MAN2C1: variants seen among roughly 807,000 people sequenced by gnomAD.
The protein encoded by MAN2C1 is mannosidase alpha class 2C member 1, also known as alpha-mannosidase 2C1.
In MAN2C1, 111 loss-of-function variants were observed where a neutral mutation model predicts 126.9. The observed-to-expected ratio is 0.87, with a 90% confidence interval of 0.75 to 1.02. The LOEUF (loss-of-function observed/expected upper bound fraction) is 1.02, where lower values mean the gene tolerates loss of function less well. MAN2C1 is among the 50% of genes least tolerant of loss of function. The probability of loss-of-function intolerance (pLI) is 0.00; values close to 1 mark genes in which losing one functional copy is unlikely to be tolerated. For missense variants in MAN2C1, 1,363 were observed against 1,364.4 expected (o/e 1.00, Z 0.02); for synonymous variants, 567 against 561.5 (o/e 1.01, Z -0.14).
In MAN2C1 at chr15:75,358,454, C is replaced by G; in HGVS notation, c.2403+8G>C. 1.2e-6 allele frequency: 2 copies of G among 1,613,408 alleles called. No homozygotes were observed. The highest frequency in any genetic ancestry group is 1.7e-6 in the Non-Finnish European group (2 of 1,179,846). On this transcript the variant is annotated splice_region_variant and intron_variant, in intron 20 of 25. Coordinates refer to ENST00000267978, the MANE Select transcript of MAN2C1 (RefSeq NM_006715.4). ...GGGGAAAACAGCCACCCCCTACCCC[C>G]CGACTACCTCGGTGTGGAAGCGGAC...
rs2072410601 is a variant in MAN2C1, at chr15:75,359,129, T to C, written c.2071A>G (p.Asn691Asp). The C allele has an allele frequency of 3.1e-6, 5 of 1,613,892 alleles. No individual in the cohort carries two copies. Among genetic ancestry groups the C allele is most frequent in the Non-Finnish European group, 4.2e-6 (5 of 1,180,032 alleles). ...TCCAGCTTCACTCGGATGATGCCAT[T>C]GTCCAGAGTCACGGAGCCATCAGTC... ...QETDGSVTLD[N>D]GIIRVKLDPT... is the part of the protein sequence containing the mutation. The change falls in exon 18 of 26, where the codon AAT becomes GAT. Residue 691 changes from asparagine to aspartate, a missense_variant. This residue lies in a region of MAN2C1 where 668 missense variants were observed against 650.1 expected (regional missense o/e 1.03). Transcript: ENST00000267978.
intron 12 of MAN2C1, 89 bp downstream of exon 12, chr15:75,360,957 G>A (rs1595876829): frequency 6.8e-7 from 1 of 1,476,872 alleles, no homozygotes. Flanking sequence ...AAGGTCCAGA[G>A]GAGGGGTTGG....
At position 75,357,542 on chromosome 15, in the gene MAN2C1, C is replaced by T. The variant is rs554134045; in HGVS notation, c.2548-640G>A. The stretch of plus-strand genomic sequence containing the variant: ...TATGATGGTCTCGATCTCTTGACCT[C>T]GTGATCCGCCCACCTCGGCCTTCCA... On this transcript the variant is annotated intron_variant, in intron 21 of 25. Coordinates refer to ENST00000267978, the MANE Select transcript of MAN2C1 (RefSeq NM_006715.4). 2.4e-4 allele frequency among the ~76,000 whole-genome samples: 37 copies of T among 151,910 alleles called. No individual in the cohort carries two copies. The South Asian group carries it at 6.9e-3, about 28-fold the overall frequency.
rs62029711 is a variant in MAN2C1, at chr15:75,358,562, C to T, written c.2303G>A (p.Arg768Gln). The stretch of plus-strand genomic sequence containing the variant: ...CTGTAGCAAGAACCAGGCGCTGCCC[C>T]GCAGGCCGCCCTCGGTGCCCACTGC... ...TLAVGTEGGL[R>Q]GSAWFLLQIS... The change falls in exon 20 of 26, where the codon CGG becomes CAG. Residue 768 changes from arginine (R) to glutamine (Q), a missense_variant. Physicochemically the swap from Arg to Gln is conservative, Grantham distance 43 (BLOSUM62 1). This residue lies in a region of MAN2C1 where 668 missense variants were observed against 650.1 expected (regional missense o/e 1.03). Transcript: ENST00000267978. 7,902 of 1,613,432 alleles carry T rather than the reference C, an allele frequency of 4.9e-3. 22 individuals carry two copies. Among genetic ancestry groups the T allele is most frequent in the Middle Eastern group, 0.013 (78 of 6,062 alleles).
In MAN2C1 at chr15:75,359,621, T is replaced by C. The variant is rs773875183; in HGVS notation, c.1947A>G (p.Leu649=). ...GCAACCCTTCCCCTCAGCTCGTACC[T>C]AGGCTGTGGGCCCCGCCCGGTTTGG... ...ALPKPGGAHS[L]ALVTVPSMGY... is the part of the protein sequence containing the mutation. Residue 649 remains leucine, a splice_region_variant and synonymous_variant, in exon 16 of 26, where the codon CTA becomes CTG. Transcript: ENST00000267978. The C allele has an allele frequency of 1.2e-6, 2 of 1,613,892 alleles. No homozygotes were observed. The highest frequency in any genetic ancestry group is 2.2e-5 in the East Asian group (1 of 44,884).
Position 75,362,249 on chromosome 15 carries a change from G to A in MAN2C1, c.1008+94C>T, listed in dbSNP as rs2072484806. 4 of 1,127,452 alleles carry A rather than the reference G, an allele frequency of 3.5e-6. No homozygotes were observed. The highest frequency in any genetic ancestry group is 1.3e-5 in the South Asian group (1 of 74,912). 69.8% of individuals were successfully genotyped at this position (1,127,452 alleles called of 1,614,324 possible). A position where few individuals can be genotyped will look rare whatever the true frequency, so the allele number is the denominator to read the frequency against. On this transcript the variant is annotated intron_variant, in intron 8 of 25. Coordinates refer to ENST00000267978, the MANE Select transcript of MAN2C1 (RefSeq NM_006715.4). The surrounding 1 kb of genome is among the most constrained non-coding windows in gnomAD (Gnocchi z 4.5). ...GCCACACAGCGGGGATGAGTGGCCC[G>A]TGGAAACTCACCAGCAAAGCCGGGA...
rs1262612376 is a variant in MAN2C1, at chr15:75,361,822, G to A, written c.1101+33C>T. On this transcript the variant is annotated intron_variant, in intron 9 of 25. Transcript: ENST00000267978. This position sits in a 1 kb window ranked among gnomAD's most constrained non-coding sequence, Gnocchi z 5.0. ...TCCAAGTCGAGCGCCAGCCCCACTC[G>A]CCCACAGCCTGGTGTAGCAGCTCTC... The A allele has an allele frequency of 8.1e-6, 13 of 1,606,658 alleles. No homozygotes were observed. The highest frequency in any genetic ancestry group is 1.1e-5 in the Non-Finnish European group (13 of 1,173,324).
rs202069986 is a variant in MAN2C1, at chr15:75,359,316, T to C, written c.2046+12A>G. 1.4e-5 allele frequency: 22 copies of C among 1,582,164 alleles called. No individual in the cohort carries two copies. The East Asian group carries it at 4.9e-4, about 36-fold the overall frequency. ...AGCACAGTTCCTGCCCCCCAGGGCA[T>C]GCAGGACTCACCTCTTGCACTACGA... On this transcript the variant is annotated intron_variant, in intron 17 of 25. Transcript: ENST00000267978.
At chr15:75,367,181 G>C (rs898327893) in intron 3 of MAN2C1, among the ~76,000 whole-genome samples, 3 of 152,032 alleles carry the variant, frequency 2.0e-5, no homozygotes, top group African/African-American at 7.2e-5. Flanking sequence ...CTAGATAGGA[G>C]TATAAGGACT....
intron 4 of MAN2C1, among the ~76,000 whole-genome samples, 190 bp downstream of exon 4, chr15:75,366,332 G>C (rs971037405): frequency 1.3e-5 from 2 of 152,158 alleles, no homozygotes; most frequent in African/African-American, 4.8e-5. Flanking sequence ...GGGTAGTGTG[G>C]GTCACTGCAC....
chr15:75,365,709 AAAGCGAAACTCCGTCTC>A (rs2141339558), intron 4 of MAN2C1: 2 of 205,732 alleles, frequency 9.7e-6, no homozygotes, highest in South Asian at 1.1e-4. Flanking sequence ...CTGGGTAACA[AAAGCGAAACTCCGTCTC>A]AAAAAAATCC....
At position 75,368,139 on chromosome 15, in the gene MAN2C1, A is replaced by C; in HGVS notation, c.161T>G (p.Leu54Arg). 1 of 1,605,772 alleles carries C rather than the reference A, an allele frequency of 6.2e-7. No homozygotes were observed. Among genetic ancestry groups the C allele is most frequent in the Non-Finnish European group, 8.5e-7 (1 of 1,177,288 alleles). ...CCGCTGGACTGCCTCCTGGTAGGGA[A>C]GTCTCTCCGGCGTCAGGAAGCTGGA... ...VLSSFLTPER[L>R]PYQEAVQRDF... The change falls in exon 2 of 26, where the codon CTT (leucine) becomes CGT (arginine). Residue 54 changes from leucine to arginine, a missense_variant. Physicochemically the swap from Leu to Arg is moderately radical, Grantham distance 102. Around this residue, in one of 3 missense-constraint regions of MAN2C1, gnomAD observed 628 missense variants for 609.8 expected, o/e 1.03. Transcript: ENST00000267978.
At position 75,356,706 on chromosome 15, in the gene MAN2C1, A is replaced by G. The variant is rs753065218; in HGVS notation, c.2658-21T>C. On this transcript the variant is annotated intron_variant, in intron 22 of 25. Coordinates refer to ENST00000267978, the MANE Select transcript of MAN2C1 (RefSeq NM_006715.4). This position sits in a 1 kb window ranked among gnomAD's most constrained non-coding sequence, Gnocchi z 5.8. Reference sequence around the variant, plus strand: ...GCAAGCTGGGGTGAGGAGGGCGCGTAGGGGCCACGCTGAAGCTGTTGGAGT... The same window carrying G: ...GCAAGCTGGGGTGAGGAGGGCGCGTGGGGGCCACGCTGAAGCTGTTGGAGT... 2 of 1,610,026 alleles carry G rather than the reference A, an allele frequency of 1.2e-6. No homozygotes were observed. Among genetic ancestry groups the G allele is most frequent in the Non-Finnish European group, 1.7e-6 (2 of 1,178,400 alleles).
At chr15:75,363,966 T>G (rs2072526742) in intron 6 of MAN2C1, 33 bp downstream of exon 6, 2 of 1,609,782 alleles carry the variant, frequency 1.2e-6, no homozygotes, top group African/African-American at 2.7e-5. Flanking sequence ...GCACTCCTGC[T>G]TCCCCAGCCA....
intron 5 of MAN2C1, 112 bp downstream of exon 5, chr15:75,364,376 G>A (rs1028443447): frequency 1.5e-6 from 2 of 1,334,242 alleles, no homozygotes; most frequent in African/African-American, 1.5e-5. Flanking sequence ...CAAGCAGGTG[G>A]AAACCCTCGT....
chr15:75,360,314 C>A, intron 13 of MAN2C1, 103 bp from the exon 14 acceptor site: 1 of 1,506,786 alleles, frequency 6.6e-7, no homozygotes, highest in Admixed American at 1.8e-5. Context: ...CACCAAGGGC[C>A]TCGTGGAGAA....
At position 75,358,552 on chromosome 15, in the gene MAN2C1, G is replaced by C. The variant is rs1183870474; in HGVS notation, c.2313C>G (p.Ala771=). The C allele has an allele frequency of 1.2e-6, 2 of 1,613,448 alleles. No homozygotes were observed. Among genetic ancestry groups the C allele is most frequent in the East Asian group, 2.2e-5 (1 of 44,886 alleles). Residue 771 remains alanine, a synonymous_variant, in exon 20 of 26, where the codon GCC becomes GCG. Transcript: ENST00000267978. ...TGGGGCTGATCTGTAGCAAGAACCA[G>C]GCGCTGCCCCGCAGGCCGCCCTCGG... The part of the protein sequence containing the change: ...VGTEGGLRGS[A]WFLLQISPNS...
intron 12 of MAN2C1, 157 bp from the exon 13 acceptor site, chr15:75,360,845 C>G: frequency 3.4e-6 from 4 of 1,184,434 alleles, no homozygotes; most frequent in Non-Finnish European, 4.7e-6. Flanking sequence ...AGGAGAGCCT[C>G]TCTCTCTGAT....
intron 6 of MAN2C1, chr15:75,363,314 G>A (rs758565292): frequency 1.3e-4 from 58 of 455,930 alleles, no homozygotes; most frequent in Middle Eastern, 3.2e-4. Context: ...TGGATTTCCC[G>A]TAAAACTCAG....
Sources: allele counts gnomAD v4.1 joint callset (sites outside exome capture counted in the v4.1 genomes callset), GRCh38; gene constraint gnomAD v4.1.1; regional missense constraint gnomAD v4.1.1; non-coding constraint Gnocchi (gnomAD v3.1); transcripts MANE v1.5; gene names NCBI Gene and HGNC (gene_info 2026-07-23, HGNC 2026-07-21).